The following WNT2B variants were observed in gnomAD, a reference collection of about 807,000 sequenced individuals.
The protein encoded by WNT2B is protein Wnt-2b.
Under a neutral mutation model 40.5 loss-of-function variants are expected in WNT2B, and 19 were observed. The ratio of observed to expected loss-of-function variants is 0.47; its 90% CI spans 0.33 to 0.69. The LOEUF is 0.69. Ranked by LOEUF, WNT2B falls within the 30% of genes least tolerant of loss-of-function variation. The probability of loss-of-function intolerance (pLI) is 0.02; values close to 1 mark genes in which losing one functional copy is unlikely to be tolerated. For missense variants in WNT2B, 467 were observed against 556.4 expected (o/e 0.84, Z 1.62); for synonymous variants, 220 against 211.9 (o/e 1.04, Z -0.33).
At chr1:112,479,300 G>C (rs141733842) in intron 1 of WNT2B, among the ~76,000 whole-genome samples, 12 of 151,994 alleles carry the variant, frequency 7.9e-5, no homozygotes, top group African/African-American at 2.7e-4. Flanking sequence ...GGGGCTGGGC[G>C]TGGGGGCTCA....
At position 112,525,888 on chromosome 1, in the gene WNT2B, G is replaced by T; in HGVS notation, c.*5379G>T. 4.5e-6 allele frequency: 6 copies of T among 1,329,966 alleles called. No homozygotes were observed. The Middle Eastern group carries it at 5.7e-4, about 126-fold the overall frequency. The allele number at this position is 1,329,966 out of a possible 1,614,324, so 82.4% of individuals were successfully genotyped here. Reference sequence around the variant, plus strand: ...ATATTCATAAGAAGCTTTTTCATATGCAAAATGCTTTAGCATATATGTAAT... The same window carrying T: ...ATATTCATAAGAAGCTTTTTCATATTCAAAATGCTTTAGCATATATGTAAT... On this transcript the variant is annotated 3_prime_UTR_variant, in exon 5 of 5. Coordinates refer to ENST00000369684, the MANE Select transcript of WNT2B (RefSeq NM_024494.3).
chr1:112,477,433 T>C (rs1651085368), intron 1 of WNT2B, among the ~76,000 whole-genome samples: 1 of 152,018 alleles, frequency 6.6e-6, no homozygotes, highest in African/African-American at 2.4e-5. Flanking sequence ...AGGTGGCTAT[T>C]ACTTCAAACA....
In WNT2B at chr1:112,493,446, T is replaced by C. The variant is rs144473037; in HGVS notation, c.-94-21428T>C. ...CAGCCTGGGCAACATAGTGAGACCC[T>C]GCCTTTACAAAAAAATGTATTTTGA... On this transcript the variant is annotated intron_variant, in intron 1 of 4. Coordinates refer to the WNT2B transcript ENST00000256640. Among the ~76,000 whole-genome samples the C allele has an allele frequency of 3.0e-3, 459 of 152,114 alleles. 2 individuals carry two copies. The highest frequency in any genetic ancestry group is 0.01 in the African/African-American group (434 of 41,510).
rs1444352895 is a variant in WNT2B at position 112,516,350 on chromosome 1, C to G, written c.614C>G (p.Ala205Gly). 1 of 1,613,886 alleles carries G rather than the reference C, an allele frequency of 6.2e-7. No homozygotes were observed. The highest frequency in any genetic ancestry group is 8.5e-7 in the Non-Finnish European group (1 of 1,180,030). ...GVRFAKAFVD[A>G]KEKRLKDARA... ...CGTTTTGCCAAGGCCTTCGTGGATG[C>G]CAAGGAGAAGAGGCTTAAGGATGCC... Residue 205 changes from alanine to glycine, a missense_variant, in exon 3 of 5, where the codon GCC becomes GGC. By Grantham distance (60) the Ala-to-Gly change is moderately conservative (BLOSUM62 0). Around this residue, in one of 2 missense-constraint regions of WNT2B, gnomAD observed 330 missense variants for 438.6 expected, o/e 0.75. Coordinates refer to ENST00000369684, the MANE Select transcript of WNT2B (RefSeq NM_024494.3).
chr1:112,498,640 A>G (rs1651853883), intron 1 of WNT2B, among the ~76,000 whole-genome samples: 1 of 152,002 alleles, frequency 6.6e-6, no homozygotes, highest in South Asian at 2.1e-4. Context: ...GTTCTTTGCC[A>G]CTTTGTAACA....
At chr1:112,487,998 T>A in intron 1 of WNT2B, among the ~76,000 whole-genome samples, 1 of 144,302 alleles carries the variant, frequency 6.9e-6, no homozygotes, top group South Asian at 2.2e-4. Context: ...AAAAATTTTT[T>A]AAAAACAAAA....
chr1:112,509,244 CGGGAGTCTTCG>C lies in WNT2B; in HGVS notation c.-13_-3del, dbSNP rs1240638656. The stretch of plus-strand genomic sequence containing the variant: ...GTCCACGCCCCTCCGGGCTGCGCGG[CGGGAGTCTTCG>C]GGGAGCTATGCTGAGACCGGGTGGT... On this transcript the variant is annotated 5_prime_UTR_variant, in exon 1 of 5. Coordinates refer to ENST00000369684, the MANE Select transcript of WNT2B (RefSeq NM_024494.3). This position sits in a 1 kb window ranked among gnomAD's most constrained non-coding sequence, Gnocchi z 4.2. 1 of 1,503,592 alleles carries C rather than the reference CGGGAGTCTTCG, an allele frequency of 6.7e-7. No homozygotes were observed. The allele number at this position is 1,503,592 out of a possible 1,614,324, so 93.1% of individuals were successfully genotyped here.
At chr1:112,469,933 T>G (rs1650822019) in intron 1 of WNT2B, among the ~76,000 whole-genome samples, 1 of 152,244 alleles carries the variant, frequency 6.6e-6, no homozygotes, top group African/African-American at 2.4e-5. Context: ...CTTCTTGTAC[T>G]ATGTCTTCAA....
At chr1:112,487,686 A>C (rs765979182) in intron 1 of WNT2B, among the ~76,000 whole-genome samples, 1 of 152,126 alleles carries the variant, frequency 6.6e-6, no homozygotes. Context: ...TAATCCCAAC[A>C]CTTTGGGAGG....
upstream of WNT2B, among the ~76,000 whole-genome samples, chr1:112,504,486 C>T (rs754354529): frequency 1.3e-5 from 2 of 152,086 alleles, no homozygotes; most frequent in African/African-American, 2.4e-5. Context: ...TTCCACGCCT[C>T]GCCTAAGAGC....
chr1:112,482,607 A>G (rs1651261690), intron 1 of WNT2B, among the ~76,000 whole-genome samples: 1 of 152,198 alleles, frequency 6.6e-6, no homozygotes, highest in Non-Finnish European at 1.5e-5. Flanking sequence ...CACTGGAATT[A>G]CAGGCATGAG....
At chr1:112,471,734 CACTAAAAGT>C (rs1259595301) in intron 1 of WNT2B, among the ~76,000 whole-genome samples, 1 of 152,146 alleles carries the variant, frequency 6.6e-6, no homozygotes, top group Non-Finnish European at 1.5e-5. Flanking sequence ...TAGTATCTGG[CACTAAAAGT>C]AAAGTGGGAA....
intron 1 of WNT2B, among the ~76,000 whole-genome samples, chr1:112,477,546 G>A (rs1173998291): frequency 6.6e-6 from 1 of 152,156 alleles, no homozygotes; most frequent in Non-Finnish European, 1.5e-5. Flanking sequence ...CAAAGAAATA[G>A]AGATCTATGA....
intron 1 of WNT2B, chr1:112,467,680 G>T (rs1056529959): frequency 2.8e-6 from 2 of 704,630 alleles, no homozygotes; most frequent in South Asian, 1.6e-5. Context: ...ATATTTATGG[G>T]GTATATATGA....
chr1:112,476,786 C>A (rs1651066829), intron 1 of WNT2B, among the ~76,000 whole-genome samples: 1 of 152,100 alleles, frequency 6.6e-6, no homozygotes, highest in South Asian at 2.1e-4. Context: ...GCTGCTGTGT[C>A]CCCCTGGAGA....
chr1:112,503,020 T>C (rs1270990348), intron 1 of WNT2B, among the ~76,000 whole-genome samples: 1 of 152,150 alleles, frequency 6.6e-6, no homozygotes, highest in African/African-American at 2.4e-5. Flanking sequence ...TGGGTGTCCC[T>C]GCCTGGCAGA....
At chr1:112,512,509 T>C (rs1034108990) in intron 1 of WNT2B, among the ~76,000 whole-genome samples, 1 of 152,102 alleles carries the variant, frequency 6.6e-6, no homozygotes, top group African/African-American at 2.4e-5. Flanking sequence ...GCTAGAGTAG[T>C]GTATGCCTCA....
At chr1:112,481,014 CA>C in intron 1 of WNT2B, among the ~76,000 whole-genome samples, 1 of 152,106 alleles carries the variant, frequency 6.6e-6, no homozygotes, top group East Asian at 1.9e-4. Flanking sequence ...ACTAAAAATA[CA>C]AAAATTAGCT....
chr1:112,477,538 A>G (rs1651088708), intron 1 of WNT2B, among the ~76,000 whole-genome samples: 2 of 152,216 alleles, frequency 1.3e-5, no homozygotes, highest in Non-Finnish European at 2.9e-5. Flanking sequence ...ATTAACCCCA[A>G]AGAAATAGAG....
Sources: gnomAD v4.1 joint callset for allele counts (sites outside exome capture counted in the v4.1 genomes callset) on GRCh38, gnomAD v4.1.1 for gene constraint, gnomAD v4.1.1 regional missense constraint, Gnocchi (gnomAD v3.1) non-coding constraint, MANE v1.5 for transcripts, NCBI Gene and HGNC (gene_info 2026-07-23, HGNC 2026-07-21) for gene names.